ELP2: variants seen among roughly 807,000 people sequenced by gnomAD.
ELP2 encodes elongator complex protein 2.
Under a neutral mutation model 119.2 loss-of-function variants are expected in ELP2, and 90 were observed. The ratio of observed to expected loss-of-function variants is 0.75; its 90% CI spans 0.64 to 0.90. ELP2 has a LOEUF of 0.90. ELP2 is among the 40% of genes least tolerant of loss of function. ELP2 has a pLI of 0.00. For synonymous variants in ELP2, 339 were observed against 331.0 expected, an observed-to-expected ratio of 1.02 and a Z score of -0.26; for missense variants, 921 against 967.8, an observed-to-expected ratio of 0.95 and a Z score of 0.64.
intron 11 of ELP2, among the ~76,000 whole-genome samples, chr18:36,149,488 G>GTTTTATATTGTTCTTTTTTTTTTGTTTTT (rs2090324582): frequency 8.0e-6 from 1 of 125,082 alleles, no homozygotes; most frequent in Non-Finnish European, 1.6e-5. Context: ...GTTTTGTTTT[G>GTTTTATATTGTTCTTTTTTTTTTGTTTTT]TTTTTTTTTT....
intron 13 of ELP2, 70 bp downstream of exon 13, chr18:36,156,724 T>A: frequency 6.9e-7 from 1 of 1,448,170 alleles, no homozygotes; most frequent in Non-Finnish European, 9.6e-7. Flanking sequence ...ATTTTTGCCT[T>A]AGGCTTTAAA....
intron 9 of ELP2, 200 bp downstream of exon 9, chr18:36,145,234 A>G: frequency 1.8e-6 from 1 of 558,988 alleles, no homozygotes; most frequent in South Asian, 1.9e-5. Flanking sequence ...TAAGTGGGAA[A>G]AGTGTAATTC....
At chr18:36,167,338 T>G (rs1598830560) in intron 19 of ELP2, 116 bp downstream of exon 19, 1 of 755,056 alleles carries the variant, frequency 1.3e-6, no homozygotes, top group East Asian at 3.0e-5. Context: ...AAATCAGCTA[T>G]GTATTCCTTT....
intron 18 of ELP2, chr18:36,164,902 G>A (rs935877952): frequency 9.4e-6 from 5 of 533,408 alleles, no homozygotes; most frequent in African/African-American, 7.6e-5. Context: ...AAGATGGCAT[G>A]CATTCAGATA....
chr18:36,161,077 T>C, intron 17 of ELP2, 73 bp downstream of exon 17: 1 of 1,089,272 alleles, frequency 9.2e-7, no homozygotes, highest in South Asian at 1.2e-5. Flanking sequence ...AGTTTGGTAA[T>C]GATTTAGGCA....
At chr18:36,167,627 G>C (rs2090946595) in intron 19 of ELP2, among the ~76,000 whole-genome samples, 1 of 151,932 alleles carries the variant, frequency 6.6e-6, no homozygotes, top group Non-Finnish European at 1.5e-5. Flanking sequence ...CTTTTCATTT[G>C]GTGCTAGAAG....
intron 5 of ELP2, 146 bp from the exon 6 acceptor site, chr18:36,140,991 T>C: frequency 1.4e-6 from 1 of 735,672 alleles, no homozygotes; most frequent in Non-Finnish European, 2.5e-6. Context: ...TGCAGACATT[T>C]ATTGAGCATT....
Position 36,164,518 on chromosome 18 carries a change from C to T in ELP2, c.1805C>T (p.Thr602Ile). Residue 602 changes from threonine (T) to isoleucine (I), a missense_variant, in exon 18 of 22, where the codon ACA becomes ATA. Transcript: ENST00000358232. ...GCAGCTATCATTCTTTGGAACACTA[C>T]ATCTTGGAAACAGGTGCAGAATTTA... Reference protein sequence around the residue: ...EHAAIILWNTTSWKQVQNLVF... With the variant: ...EHAAIILWNTISWKQVQNLVF... 1 of 1,614,114 alleles carries T rather than the reference C, an allele frequency of 6.2e-7. No homozygotes were observed. Among genetic ancestry groups the T allele is most frequent in the Non-Finnish European group, 8.5e-7 (1 of 1,179,968 alleles).
At chr18:36,165,426 G>T (rs148932612) in intron 18 of ELP2, among the ~76,000 whole-genome samples, 27 of 152,274 alleles carry the variant, frequency 1.8e-4, no homozygotes, top group African/African-American at 6.3e-4. Context: ...CCATTGATAA[G>T]ACTCGCATAC....
In ELP2 at chr18:36,174,731, TTTCTGGG is replaced by T; in HGVS notation, c.*93_*99del. 4 of 1,357,282 alleles carry T rather than the reference TTTCTGGG, an allele frequency of 2.9e-6. No homozygotes were observed. Among genetic ancestry groups the T allele is most frequent in the Non-Finnish European group, 3.1e-6 (3 of 983,084 alleles). 84.1% of individuals were successfully genotyped at this position (1,357,282 alleles called of 1,614,324 possible). A position where few individuals can be genotyped will look rare whatever the true frequency, so the allele number is the denominator to read the frequency against. ...TCTTTACCTTCATAACTGAATTGAGTTTCTGGGTTTTTTTTTTTTTTGAGATGGAGTC... is the reference window on the plus strand; with the variant it reads ...TCTTTACCTTCATAACTGAATTGAGTTTTTTTTTTTTTTTGAGATGGAGTC... On this transcript the variant is annotated 3_prime_UTR_variant, in exon 22 of 22. Transcript: ENST00000358232.
At chr18:36,173,580 ACTAT>A (rs1267836700) in intron 21 of ELP2, among the ~76,000 whole-genome samples, 3 of 152,214 alleles carry the variant, frequency 2.0e-5, no homozygotes, top group Non-Finnish European at 4.4e-5. Context: ...AGTCAGAGTG[ACTAT>A]TTGTAAGGGC....
chr18:36,142,256 A>G, intron 6 of ELP2, 25 bp from the exon 7 acceptor site: 1 of 1,600,540 alleles, frequency 6.2e-7, no homozygotes, highest in South Asian at 1.1e-5. Flanking sequence ...TCTTACATCA[A>G]GCCCAATGAT....
chr18:36,141,120 G>GTT lies in ELP2; in HGVS notation c.524-12_524-11dup. Reference sequence around the variant, plus strand: ...GAATAGAGAACTCACAGTGAAGCCTGTTTTTTCTTCCCCCAGTACCAATAT... The same window carrying GTT: ...GAATAGAGAACTCACAGTGAAGCCTGTTTTTTTTCTTCCCCCAGTACCAATAT... On this transcript the variant is annotated splice_polypyrimidine_tract_variant and intron_variant, in intron 5 of 21. Transcript: ENST00000358232. The GTT allele has an allele frequency of 1.2e-6, 2 of 1,611,200 alleles. No homozygotes were observed. Among genetic ancestry groups the GTT allele is most frequent in the Non-Finnish European group, 1.7e-6 (2 of 1,177,472 alleles).
chr18:36,143,375 G>A (rs1025329628), intron 8 of ELP2, among the ~76,000 whole-genome samples: 12 of 150,710 alleles, frequency 8.0e-5, no homozygotes, highest in Non-Finnish European at 1.5e-4. Flanking sequence ...GCCCGCCTCG[G>A]CCTCCCAAAG....
At chr18:36,144,789 A>G in intron 8 of ELP2, 150 bp from the exon 9 acceptor site, 1 of 636,166 alleles carries the variant, frequency 1.6e-6, no homozygotes, top group Non-Finnish European at 2.8e-6. Context: ...GGTTGAAGAA[A>G]TTTAGAATGC....
At chr18:36,170,444 T>C (rs1483211194) in intron 20 of ELP2, among the ~76,000 whole-genome samples, 2 of 152,024 alleles carry the variant, frequency 1.3e-5, no homozygotes, top group Non-Finnish European at 2.9e-5. Context: ...CCCAAGTAGG[T>C]GGGATTACAG....
intron 16 of ELP2, 126 bp from the exon 17 acceptor site, chr18:36,160,806 C>A: frequency 1.5e-6 from 1 of 685,548 alleles, no homozygotes; most frequent in South Asian, 1.7e-5. Context: ...GACAAACATA[C>A]AATGTTCCTT....
chr18:36,171,139 A>G lies in ELP2; in HGVS notation c.2303A>G (p.His768Arg). Reference protein sequence around the residue: ...DQVPEINDWTHCVETSQSQSH... With the variant: ...DQVPEINDWTRCVETSQSQSH... ...GTTCCAGAAATAAATGACTGGACCCACTGTGTAGAAACAAGTCAAAGGTAT... is the reference window on the plus strand; with the variant it reads ...GTTCCAGAAATAAATGACTGGACCCGCTGTGTAGAAACAAGTCAAAGGTAT... Residue 768 changes from histidine to arginine, a missense_variant, in exon 21 of 22, where the codon CAC becomes CGC. Coordinates refer to ENST00000358232, the MANE Select transcript of ELP2 (RefSeq NM_018255.4). 1 of 1,612,860 alleles carries G rather than the reference A, an allele frequency of 6.2e-7. No individual in the cohort carries two copies. The highest frequency in any genetic ancestry group is 1.1e-5 in the South Asian group (1 of 91,058).
chr18:36,145,346 T>G, intron 9 of ELP2: 1 of 361,944 alleles, frequency 2.8e-6, no homozygotes, highest in Non-Finnish European at 5.3e-6. Flanking sequence ...TCAAGCCAAC[T>G]TCACTGGATC....
Sources: gnomAD v4.1 joint callset for allele counts (sites outside exome capture counted in the v4.1 genomes callset) on GRCh38, gnomAD v4.1.1 for gene constraint, MANE v1.5 for transcripts, NCBI Gene and HGNC (gene_info 2026-07-23, HGNC 2026-07-21) for gene names.